Variants in CNTNAP2 observed in about 807,000 individuals in gnomAD.
The protein encoded by CNTNAP2 is contactin associated protein 2, also known as contactin-associated protein-like 2.
Under a neutral mutation model 155.2 loss-of-function variants are expected in CNTNAP2, and 98 were observed. The ratio of observed to expected loss-of-function variants is 0.63; its 90% confidence interval spans 0.54 to 0.75. The LOEUF (loss-of-function observed/expected upper bound fraction) is 0.75, where lower values mean the gene tolerates loss of function less well. Ranked by LOEUF, CNTNAP2 falls within the 30% of genes least tolerant of loss-of-function variation. The pLI is 0.00. For synonymous variants in CNTNAP2, 651 were observed against 631.2 expected (o/e 1.03, Z -0.47); for missense variants, 1,727 against 1,688.1 (o/e 1.02, Z -0.40).
At chr7:146,612,287 T>C (rs916018007) in intron 1 of CNTNAP2, among the ~76,000 whole-genome samples, 4 of 152,196 alleles carry the variant, frequency 2.6e-5, no homozygotes, top group Non-Finnish European at 5.9e-5. Flanking sequence ...TTTTTCTTGT[T>C]CCATGCAATA....
At position 147,285,002 on chromosome 7, in the gene CNTNAP2, G is replaced by T. The variant is rs192596362; in HGVS notation, c.1349-15139G>T. On this transcript the variant is annotated intron_variant, in intron 8 of 23. Transcript: ENST00000361727. ...AAGCACTGAGTTTTTGCCTATATCT[G>T]CAGCCTGGGTGCATCCTTTGAATAA... 6.0e-3 allele frequency among the ~76,000 whole-genome samples: 914 copies of T among 151,958 alleles called. 5 individuals carry two copies. Among genetic ancestry groups the T allele is most frequent in the Non-Finnish European group, 9.7e-3 (661 of 67,860 alleles).
intron 9 of CNTNAP2, among the ~76,000 whole-genome samples, chr7:147,367,414 C>A (rs1210018824): frequency 6.6e-6 from 1 of 152,092 alleles, no homozygotes; most frequent in African/African-American, 2.4e-5. Context: ...AGTTGTATGA[C>A]CAGATGGCCA....
At chr7:146,967,417 G>C (rs1797680493) in intron 3 of CNTNAP2, among the ~76,000 whole-genome samples, 1 of 152,064 alleles carries the variant, frequency 6.6e-6, no homozygotes, top group African/African-American at 2.4e-5. Flanking sequence ...CCATTTTCAC[G>C]ATATTGATTC....
chr7:147,918,525 C>T (rs1264020442), intron 14 of CNTNAP2, among the ~76,000 whole-genome samples: 7 of 152,212 alleles, frequency 4.6e-5, no homozygotes, highest in Middle Eastern at 3.4e-3. Context: ...GACACTGACA[C>T]GTGTATACAA....
chr7:148,411,416 T>C (rs1217526976), intron 23 of CNTNAP2, among the ~76,000 whole-genome samples: 1 of 151,972 alleles, frequency 6.6e-6, no homozygotes, highest in East Asian at 1.9e-4. Context: ...CAGGCACGCA[T>C]CACCATGCCT....
chr7:147,319,101 TGA>T (rs1795293920), intron 9 of CNTNAP2, among the ~76,000 whole-genome samples: 1 of 152,128 alleles, frequency 6.6e-6, no homozygotes. Context: ...CAAAAATTGT[TGA>T]GGTTTCTTCT....
chr7:146,924,330 GGT>G, intron 3 of CNTNAP2, among the ~76,000 whole-genome samples: 1 of 152,168 alleles, frequency 6.6e-6, no homozygotes, highest in South Asian at 2.1e-4. Flanking sequence ...TTCACTGTCT[GGT>G]GACTTAAAGA....
chr7:147,653,378 A>G lies in CNTNAP2; in HGVS notation c.2098+14072A>G, dbSNP rs375785546. ...TAGAGTTCTCCGAGATCCTGTTAAA[A>G]CGAGAAAGATCAGAAATCACCAGCT... On this transcript the variant is annotated intron_variant, in intron 13 of 23. Coordinates refer to ENST00000361727, the MANE Select transcript of CNTNAP2 (RefSeq NM_014141.6). Among the ~76,000 whole-genome samples, 9 of 152,184 alleles carry G rather than the reference A, an allele frequency of 5.9e-5. No individual in the cohort carries two copies. The South Asian group carries it at 6.2e-4, about 10-fold the overall frequency.
intron 8 of CNTNAP2, among the ~76,000 whole-genome samples, chr7:147,278,892 T>C (rs1012617203): frequency 3.3e-5 from 5 of 151,428 alleles, no homozygotes; most frequent in African/African-American, 4.8e-5. Context: ...GATAGGATTT[T>C]ATAACTGTAC....
At chr7:148,356,260 G>T (rs2116607598) in intron 21 of CNTNAP2, among the ~76,000 whole-genome samples, 1 of 152,190 alleles carries the variant, frequency 6.6e-6, no homozygotes, top group East Asian at 1.9e-4. Context: ...CCTTCAATCT[G>T]CACTTTTTTT....
In CNTNAP2 at chr7:147,300,209, AC is replaced by A; in HGVS notation, c.1419del (p.Ile474SerfsTer29). ...AGCCAAGGAAAATTTTGCTATTCTC[AC>A]CATCGATGGAGATGAAGCATCAGCA... is the stretch of plus-strand genomic sequence containing the variant. ...FLAKENFAILTIDGDEASAVR... is the reference protein window; with the variant it reads ...FLAKENFAILXIDGDEASAVR... On this transcript the variant is annotated frameshift_variant, in exon 9 of 24. Coordinates refer to ENST00000361727, the MANE Select transcript of CNTNAP2 (RefSeq NM_014141.6). LOFTEE classifies it high-confidence loss of function. The A allele has an allele frequency of 6.2e-7, 1 of 1,613,928 alleles. No homozygotes were observed. Among genetic ancestry groups the A allele is most frequent in the Non-Finnish European group, 8.5e-7 (1 of 1,179,914 alleles).
chr7:146,910,435 T>C (rs1236459315), intron 3 of CNTNAP2, among the ~76,000 whole-genome samples: 2 of 148,922 alleles, frequency 1.3e-5, no homozygotes, highest in Non-Finnish European at 3.0e-5. Context: ...CAAAACAGCA[T>C]GGTACTGGTA....
chr7:147,120,869 G>C (rs953811357), intron 5 of CNTNAP2, 110 bp from the exon 6 acceptor site: 2 of 984,520 alleles, frequency 2.0e-6, no homozygotes, highest in African/African-American at 1.6e-5. Context: ...CGAATGGATA[G>C]AGCTTTGATG....
chr7:146,388,177 T>A (rs1403479610), intron 1 of CNTNAP2, among the ~76,000 whole-genome samples: 1 of 151,926 alleles, frequency 6.6e-6, no homozygotes, highest in African/African-American at 2.4e-5. Flanking sequence ...ACGTTGGTAA[T>A]CCTCGCACTT....
At chr7:146,324,269 GCAAAA>G (rs979743862) in intron 1 of CNTNAP2, among the ~76,000 whole-genome samples, 25 of 152,012 alleles carry the variant, frequency 1.6e-4, no homozygotes, top group Non-Finnish European at 1.3e-4. Context: ...CAAAAGCAAA[GCAAAA>G]CAAAACAAAA....
At chr7:146,284,493 A>G (rs1468234759) in intron 1 of CNTNAP2, among the ~76,000 whole-genome samples, 5 of 152,166 alleles carry the variant, frequency 3.3e-5, no homozygotes, top group African/African-American at 2.4e-5. Flanking sequence ...AATAAATAGA[A>G]CAGCATAATC....
intron 7 of CNTNAP2, among the ~76,000 whole-genome samples, 157 bp from the exon 8 acceptor site, chr7:147,132,088 A>G (rs574700975): frequency 1.3e-5 from 2 of 152,154 alleles, no homozygotes; most frequent in South Asian, 2.1e-4. Context: ...GTAGTGGTGC[A>G]TCCAGTCACT....
intron 1 of CNTNAP2, among the ~76,000 whole-genome samples, chr7:146,397,493 C>T (rs971587485): frequency 6.6e-6 from 1 of 152,158 alleles, no homozygotes; most frequent in African/African-American, 2.4e-5. Flanking sequence ...CAGGGCCACA[C>T]AATGAGTCAG....
At chr7:147,500,794 A>C (rs1256399840) in intron 11 of CNTNAP2, among the ~76,000 whole-genome samples, 1 of 152,164 alleles carries the variant, frequency 6.6e-6, no homozygotes, top group African/African-American at 2.4e-5. Flanking sequence ...CTTTATTTTC[A>C]TTTGGTAATG....
Sources: allele counts gnomAD v4.1 joint callset (sites outside exome capture counted in the v4.1 genomes callset), GRCh38; gene constraint gnomAD v4.1.1; transcripts MANE v1.5; gene names NCBI Gene and HGNC (gene_info 2026-07-23, HGNC 2026-07-21).